WDR27: variants seen among roughly 807,000 people sequenced by gnomAD.
WDR27 encodes WD repeat domain 27, also known as WD repeat-containing protein 27.
Under a neutral mutation model 114.4 loss-of-function variants are expected in WDR27, and 100 were observed. The ratio of observed to expected loss-of-function variants is 0.87; its 90% CI spans 0.74 to 1.03. The LOEUF is 1.03. Ranked by LOEUF, WDR27 falls within the 50% of genes least tolerant of loss-of-function variation. The pLI, the probability that WDR27 is intolerant of heterozygous loss-of-function variation, is 0.00. For missense variants in WDR27, 1,129 were observed against 1,092.9 expected, an observed-to-expected ratio of 1.03 and a Z score of -0.47; for synonymous variants, 449 against 423.1, an observed-to-expected ratio of 1.06 and a Z score of -0.75.
At chr6:169,480,693 G>A (rs1787902394) in intron 25 of WDR27, among the ~76,000 whole-genome samples, 1 of 151,926 alleles carries the variant, frequency 6.6e-6, no homozygotes. Context: ...TCAGCACCCT[G>A]TGTCTAACTC....
At chr6:169,447,247 G>C in the WDR27 span, among the ~76,000 whole-genome samples, 1 of 152,148 alleles carries the variant, frequency 6.6e-6, no homozygotes, top group East Asian at 1.9e-4. Context: ...CTTATGAGCT[G>C]TGTTTTTATG....
At chr6:169,697,473 C>T (rs1188475415) in intron 1 of WDR27, among the ~76,000 whole-genome samples, 1 of 152,194 alleles carries the variant, frequency 6.6e-6, no homozygotes, top group Non-Finnish European at 1.5e-5. Context: ...CTCTACTCCT[C>T]TACCTCTTGT....
intron 2 of WDR27, among the ~76,000 whole-genome samples, chr6:169,685,978 C>T (rs1782839211): frequency 6.6e-6 from 1 of 152,172 alleles, no homozygotes; most frequent in Non-Finnish European, 1.5e-5. Flanking sequence ...ATAAGGGAAT[C>T]TCTATTTGAC....
In WDR27 at chr6:169,672,267, T is replaced by C. The variant is rs1585071266; in HGVS notation, c.319A>G (p.Lys107Glu). 3 of 1,612,266 alleles carry C rather than the reference T, an allele frequency of 1.9e-6. No homozygotes were observed. The African/African-American group carries it at 4.0e-5, about 21-fold the overall frequency. ...IMWNLDECRE[K>E]VLQGLVPRGT... The stretch of plus-strand genomic sequence containing the variant: ...GATTTTCATTTACCTTGAAGTACTT[T>C]CTCTCTACATTCATCCAGGTTCCAC... Residue 107 changes from lysine (K) to glutamate (E), a missense_variant, in exon 3 of 26, where the codon AAA (lysine) becomes GAA (glutamate). Coordinates refer to ENST00000448612, the MANE Select transcript of WDR27 (RefSeq NM_182552.5).
chr6:169,689,825 G>A (rs534000003), intron 1 of WDR27, among the ~76,000 whole-genome samples: 30 of 152,378 alleles, frequency 2.0e-4, no homozygotes, highest in African/African-American at 7.0e-4. Flanking sequence ...AATATCCAGT[G>A]GGGTCATGCA....
Position 169,634,017 on chromosome 6 carries a change from G to T in WDR27, c.2101+411C>A, listed in dbSNP as rs1817067781. 2.0e-5 allele frequency among the ~76,000 whole-genome samples: 3 copies of T among 152,224 alleles called. No individual in the cohort carries two copies. In the South Asian group the frequency reaches 6.2e-4, roughly 32 times the overall value. ...TCAACTTTGAAAATTAAAAGCAATG[G>T]TGTTAGCCATAAAAATCTCAAAAAT... On this transcript the variant is annotated intron_variant, in intron 20 of 25. Coordinates refer to ENST00000448612, the MANE Select transcript of WDR27 (RefSeq NM_182552.5).
chr6:169,628,882 T>C (rs774085726), intron 21 of WDR27, among the ~76,000 whole-genome samples: 23 of 152,082 alleles, frequency 1.5e-4, no homozygotes, highest in Admixed American at 2.6e-4. Context: ...GTGAGAGTAG[T>C]TGCATGTGGA....
At chr6:169,602,155 A>G (rs549935288) in intron 23 of WDR27, 64 bp downstream of exon 23, 1 of 1,236,742 alleles carries the variant, frequency 8.1e-7, no homozygotes, top group East Asian at 2.6e-5. Flanking sequence ...CAACAATATT[A>G]AACAGTCTAC....
intron 25 of WDR27, among the ~76,000 whole-genome samples, chr6:169,519,848 T>A (rs1347246537): frequency 6.6e-6 from 1 of 152,090 alleles, no homozygotes; most frequent in East Asian, 1.9e-4. Flanking sequence ...GTGAGAGAAC[T>A]GGACTTCCTC....
chr6:169,530,288 T>A, intron 25 of WDR27, among the ~76,000 whole-genome samples: 1 of 152,204 alleles, frequency 6.6e-6, no homozygotes, highest in Admixed American at 6.5e-5. Flanking sequence ...CACTGATTGG[T>A]CCATGCACTG....
intron 25 of WDR27, among the ~76,000 whole-genome samples, chr6:169,564,522 G>A (rs1473000127): frequency 6.6e-6 from 1 of 152,220 alleles, no homozygotes; most frequent in East Asian, 1.9e-4. Flanking sequence ...CTGCTTTGTG[G>A]TTCCTGGATC....
At chr6:169,621,091 A>G (rs1813016836) in intron 21 of WDR27, among the ~76,000 whole-genome samples, 1 of 152,234 alleles carries the variant, frequency 6.6e-6, no homozygotes, top group Non-Finnish European at 1.5e-5. Context: ...AGCAGCAGCT[A>G]ATAGATATTT....
chr6:169,614,473 G>T (rs1173640597), intron 21 of WDR27, among the ~76,000 whole-genome samples: 1 of 152,076 alleles, frequency 6.6e-6, no homozygotes, highest in African/African-American at 2.4e-5. Flanking sequence ...ATCACCTGAG[G>T]TCAGGAAAAT....
chr6:169,653,219 C>T (rs1260703851), intron 13 of WDR27, among the ~76,000 whole-genome samples: 1 of 152,150 alleles, frequency 6.6e-6, no homozygotes, highest in Non-Finnish European at 1.5e-5. Flanking sequence ...TAGTATGATT[C>T]CAACTATTAG....
chr6:169,472,151 T>C lies in WDR27; in HGVS notation c.2646-14517A>G, dbSNP rs558454148. Among the ~76,000 whole-genome samples the C allele has an allele frequency of 3.9e-5, 6 of 152,358 alleles. No individual in the cohort carries two copies. In the South Asian group the frequency reaches 1.2e-3, roughly 32 times the overall value. On this transcript the variant is annotated intron_variant, in intron 25 of 25. Coordinates refer to ENST00000448612, the MANE Select transcript of WDR27 (RefSeq NM_182552.5). Reference sequence around the variant, plus strand: ...TCATTTTTAGATTGACATTGATAGATGTTTGCTTTCATAATTGATTAAGGG... The same window carrying C: ...TCATTTTTAGATTGACATTGATAGACGTTTGCTTTCATAATTGATTAAGGG...
chr6:169,696,204 T>C (rs562669642), intron 1 of WDR27, among the ~76,000 whole-genome samples: 5 of 152,216 alleles, frequency 3.3e-5, no homozygotes, highest in Admixed American at 1.3e-4. Flanking sequence ...TACACAGTGA[T>C]CTGTGTCCTA....
downstream of WDR27, among the ~76,000 whole-genome samples, chr6:169,453,445 C>T (rs565884451): frequency 1.3e-4 from 20 of 152,134 alleles, no homozygotes; most frequent in Non-Finnish European, 2.4e-4. Flanking sequence ...GGAGGGAATC[C>T]ACATCCAAGC....
intron 25 of WDR27, chr6:169,560,055 A>T (rs1353598339): frequency 6.6e-6 from 1 of 152,118 alleles, no homozygotes; most frequent in African/African-American, 2.4e-5. Flanking sequence ...TTGACCTCTG[A>T]TATGGTTTGG....
intron 22 of WDR27, among the ~76,000 whole-genome samples, chr6:169,610,628 G>A (rs549649254): frequency 1.3e-5 from 2 of 152,270 alleles, no homozygotes; most frequent in South Asian, 2.1e-4. Context: ...TGAGATTTGG[G>A]TGGGGACACA....
Sources: allele counts gnomAD v4.1 joint callset (sites outside exome capture counted in the v4.1 genomes callset), GRCh38; gene constraint gnomAD v4.1.1; transcripts MANE v1.5; gene names NCBI Gene and HGNC (gene_info 2026-07-23, HGNC 2026-07-21).